Variants in MAML2 observed in about 807,000 individuals in gnomAD.
MAML2 encodes the protein mastermind-like protein 2.
MAML2 carries 22 observed loss-of-function variants against 96.1 expected under a neutral mutation model. The ratio of observed to expected loss-of-function variants is 0.23; its 90% confidence interval spans 0.16 to 0.33. The LOEUF is 0.33. Ranked by LOEUF, MAML2 falls within the 10% of genes least tolerant of loss-of-function variation. The probability of loss-of-function intolerance (pLI) is 1.00; values close to 1 mark genes in which losing one functional copy is unlikely to be tolerated. For missense variants in MAML2, 1,367 were observed against 1,392.4 expected, an observed-to-expected ratio of 0.98 and a Z score of 0.29; for synonymous variants, 561 against 521.3, an observed-to-expected ratio of 1.08 and a Z score of -1.04.
chr11:96,077,558 T>C (rs997348191), intron 2 of MAML2, among the ~76,000 whole-genome samples: 2 of 152,212 alleles, frequency 1.3e-5, no homozygotes, highest in East Asian at 1.9e-4. Flanking sequence ...GCTTTGCCAA[T>C]GTAGGCAGTT....
intron 2 of MAML2, among the ~76,000 whole-genome samples, chr11:96,069,599 C>G (rs1182635266): frequency 6.6e-6 from 1 of 152,076 alleles, no homozygotes; most frequent in Non-Finnish European, 1.5e-5. Flanking sequence ...ATCACTAGAG[C>G]CCAGGAGGTT....
intron 1 of MAML2, among the ~76,000 whole-genome samples, chr11:96,124,405 G>T (rs914822088): frequency 6.6e-6 from 1 of 152,096 alleles, no homozygotes; most frequent in Non-Finnish European, 1.5e-5. Flanking sequence ...GTGTGCTATG[G>T]TAAGAGAACC....
intron 2 of MAML2, among the ~76,000 whole-genome samples, chr11:96,080,450 C>T (rs1859513145): frequency 6.6e-6 from 1 of 151,938 alleles, no homozygotes; most frequent in Admixed American, 6.6e-5. Flanking sequence ...AGGTAAGACT[C>T]AAATTTAAAC....
At chr11:96,112,847 A>G (rs1672236959) in intron 1 of MAML2, among the ~76,000 whole-genome samples, 1 of 152,246 alleles carries the variant, frequency 6.6e-6, no homozygotes. Flanking sequence ...GTTTTCAGAA[A>G]GAAACAGAAA....
At chr11:96,049,752 C>T (rs2135766064) in intron 2 of MAML2, among the ~76,000 whole-genome samples, 1 of 152,280 alleles carries the variant, frequency 6.6e-6, no homozygotes, top group Non-Finnish European at 1.5e-5. Flanking sequence ...TATTATCATC[C>T]AGGCAGAAGA....
chr11:96,308,864 ATATT>A, intron 1 of MAML2, among the ~76,000 whole-genome samples: 1 of 152,348 alleles, frequency 6.6e-6, no homozygotes, highest in South Asian at 2.1e-4. Flanking sequence ...TACTGAGCAA[ATATT>A]TATTGAATGA....
At chr11:96,070,211 A>ACC (rs1859321789) in intron 2 of MAML2, among the ~76,000 whole-genome samples, 1 of 151,924 alleles carries the variant, frequency 6.6e-6, no homozygotes, top group Non-Finnish European at 1.5e-5. Context: ...AATGGCGTGA[A>ACC]CCCGGAAGGC....
chr11:96,132,312 C>T (rs1860560648), intron 1 of MAML2, among the ~76,000 whole-genome samples: 1 of 152,146 alleles, frequency 6.6e-6, no homozygotes, highest in Non-Finnish European at 1.5e-5. Context: ...GTGTGCCAGG[C>T]CTGCAAGGTA....
rs1476617840 is a variant in MAML2 at position 96,127,376 on chromosome 11, T to G, written c.514-33859A>C. Among the ~76,000 whole-genome samples, 10 of 152,300 alleles carry G rather than the reference T, an allele frequency of 6.6e-5. No individual in the cohort carries two copies. The East Asian group carries it at 1.9e-3, about 29-fold the overall frequency. ...AGGCTGTTTTCACTTAGGATTTGTA[T>G]GACATGTTCATAACTGAAATGGAGA... On this transcript the variant is annotated intron_variant, in intron 1 of 4. Transcript: ENST00000524717.
At chr11:95,988,490 TA>T (rs1857863567) in intron 3 of MAML2, among the ~76,000 whole-genome samples, 1 of 144,652 alleles carries the variant, frequency 6.9e-6, no homozygotes, top group African/African-American at 2.5e-5. Flanking sequence ...CACCAGAGGC[TA>T]AACTGTTGTT....
intron 1 of MAML2, among the ~76,000 whole-genome samples, chr11:96,115,457 C>T (rs1175710019): frequency 6.8e-6 from 1 of 146,418 alleles, no homozygotes; most frequent in Non-Finnish European, 1.5e-5. Context: ...ATGTAATCCA[C>T]CACCACACCT....
At chr11:95,981,328 A>G (rs891018969) in intron 4 of MAML2, among the ~76,000 whole-genome samples, 11 of 152,340 alleles carry the variant, frequency 7.2e-5, no homozygotes, top group African/African-American at 2.6e-4. Flanking sequence ...ACTAATCAAC[A>G]TATTGAAATC....
At chr11:96,080,755 T>A (rs1859517716) in intron 2 of MAML2, among the ~76,000 whole-genome samples, 1 of 152,244 alleles carries the variant, frequency 6.6e-6, no homozygotes, top group African/African-American at 2.4e-5. Context: ...TCATGGTGAT[T>A]TTGAATGAGT....
At chr11:96,265,611 C>T (rs185291115) in intron 1 of MAML2, among the ~76,000 whole-genome samples, 30 of 152,284 alleles carry the variant, frequency 2.0e-4, no homozygotes, top group South Asian at 1.2e-3. Flanking sequence ...CCATCCTGTG[C>T]CTATAAAAAC....
rs181845002 is a variant in MAML2 at position 96,163,810 on chromosome 11, A to G, written c.514-70293T>C. ...TCATTGCCAGAGCAGGCAGAAGCCCATTAAAGGATATTCTATCTTCTGAAG... is the reference window on the plus strand; with the variant it reads ...TCATTGCCAGAGCAGGCAGAAGCCCGTTAAAGGATATTCTATCTTCTGAAG... On this transcript the variant is annotated intron_variant, in intron 1 of 4. Coordinates refer to ENST00000524717, the MANE Select transcript of MAML2 (RefSeq NM_032427.4). 1.5e-3 allele frequency among the ~76,000 whole-genome samples: 233 copies of G among 152,064 alleles called. 1 individual carries two copies. The highest frequency in any genetic ancestry group is 5.0e-3 in the African/African-American group (206 of 41,490).
At chr11:96,051,029 G>A (rs1478878387) in intron 2 of MAML2, among the ~76,000 whole-genome samples, 1 of 146,524 alleles carries the variant, frequency 6.8e-6, no homozygotes, top group Non-Finnish European at 1.5e-5. Flanking sequence ...AAATCCCCCT[G>A]CTGGCTGTTG....
chr11:96,023,844 T>C (rs1858473895), intron 2 of MAML2, among the ~76,000 whole-genome samples: 1 of 151,948 alleles, frequency 6.6e-6, no homozygotes, highest in Non-Finnish European at 1.5e-5. Context: ...GCTGGAGAAA[T>C]GTGAGGTTAT....
intron 2 of MAML2, among the ~76,000 whole-genome samples, chr11:96,042,589 G>T (rs1858832969): frequency 6.6e-6 from 1 of 151,190 alleles, no homozygotes; most frequent in Non-Finnish European, 1.5e-5. Context: ...GAAAACCAAA[G>T]TCCTTCACCA....
At chr11:96,170,070 T>G (rs1861260069) in intron 1 of MAML2, among the ~76,000 whole-genome samples, 1 of 152,196 alleles carries the variant, frequency 6.6e-6, no homozygotes, top group Non-Finnish European at 1.5e-5. Context: ...TTTGTTGGTT[T>G]CAAGAGGATA....
Sources: allele counts gnomAD v4.1 joint callset (sites outside exome capture counted in the v4.1 genomes callset), GRCh38; gene constraint gnomAD v4.1.1; transcripts MANE v1.5; gene names NCBI Gene and HGNC (gene_info 2026-07-23, HGNC 2026-07-21).